Variants in KIF1B observed in about 807,000 individuals in gnomAD.
The protein encoded by KIF1B is kinesin-like protein KIF1B.
Under a neutral mutation model 241.9 loss-of-function variants are expected in KIF1B, and 76 were observed. That is an observed-to-expected ratio of 0.31 (90% confidence interval 0.26 to 0.38). KIF1B has a LOEUF of 0.38. Among genes scored for constraint, KIF1B ranks in the 10% least tolerant of loss-of-function variants. KIF1B has a pLI of 1.00. For missense variants in KIF1B, 1,622 were observed against 2,271.4 expected (o/e 0.71, Z 5.81); for synonymous variants, 750 against 796.7 (o/e 0.94, Z 0.99).
chr1:10,353,646 A>G (rs1652876221), intron 38 of KIF1B, among the ~76,000 whole-genome samples: 4 of 152,336 alleles, frequency 2.6e-5, no homozygotes, highest in Admixed American at 2.6e-4. Flanking sequence ...ATAAGACGAT[A>G]GGCAGAAATG....
In KIF1B at chr1:10,365,475, A is replaced by G. The variant is rs765629550; in HGVS notation, c.4579A>G (p.Ser1527Gly). The G allele has an allele frequency of 1.2e-6, 2 of 1,614,090 alleles. No homozygotes were observed. The highest frequency in any genetic ancestry group is 1.7e-6 in the Non-Finnish European group (2 of 1,180,020). ...TGGTGACAGCATCCCCAAATCCCTG[A>G]GCGACTCGTTATCCCCCAGCCTCAG... ...RLGDSIPKSL[S>G]DSLSPSLSSG... The change falls in exon 43 of 49, where the codon AGC (serine) becomes GGC (glycine). Residue 1527 changes from serine to glycine, a missense_variant. Coordinates refer to ENST00000676179, the MANE Select transcript of KIF1B (RefSeq NM_001365951.3). The surrounding 1 kb of genome is among the most constrained non-coding windows in gnomAD (Gnocchi z 4.0).
chr1:10,345,430 G>A (rs1652552529), intron 34 of KIF1B, among the ~76,000 whole-genome samples: 1 of 152,120 alleles, frequency 6.6e-6, no homozygotes, highest in African/African-American at 2.4e-5. Flanking sequence ...GGTGGAGGAT[G>A]GGTCTTTTCT....
chr1:10,257,537 G>A (rs369096121), intron 3 of KIF1B, among the ~76,000 whole-genome samples: 2 of 151,856 alleles, frequency 1.3e-5, no homozygotes, highest in Non-Finnish European at 2.9e-5. Context: ...CCAGTATTAC[G>A]AAAATGCAGA....
rs774113450 is a variant in KIF1B, at chr1:10,282,350, T to C, written c.1251T>C (p.His417=). ...KYLKDFQNNK[H]RYLLASENQR... ...TGAAAGATTTTCAGAACAATAAGCA[T>C]AGATACTTGCTAGCCTCTGAGAATC... Residue 417 remains histidine, a synonymous_variant, in exon 15 of 49, where the codon CAT becomes CAC. Coordinates refer to ENST00000676179, the MANE Select transcript of KIF1B (RefSeq NM_001365951.3). 1 of 1,614,186 alleles carries C rather than the reference T, an allele frequency of 6.2e-7. No individual in the cohort carries two copies. Among genetic ancestry groups the C allele is most frequent in the Non-Finnish European group, 8.5e-7 (1 of 1,180,016 alleles).
chr1:10,313,767 G>C (rs1171808369), intron 22 of KIF1B, among the ~76,000 whole-genome samples: 3 of 150,686 alleles, frequency 2.0e-5, no homozygotes, highest in Admixed American at 6.6e-5. Flanking sequence ...AGCCAGGATG[G>C]TCTTGATCTC....
intron 27 of KIF1B, among the ~76,000 whole-genome samples, chr1:10,329,594 A>G (rs780997530): frequency 1.3e-4 from 20 of 152,072 alleles, no homozygotes; most frequent in Non-Finnish European, 2.8e-4. Flanking sequence ...TTAGCCAGGC[A>G]TGGTGGTTTG....
rs1646684372 is a variant in KIF1B at position 10,210,939 on chromosome 1, T to G, written c.-80+61T>G. 1 of 151,620 alleles carries G rather than the reference T, an allele frequency of 6.6e-6. No homozygotes were observed. Among genetic ancestry groups the G allele is most frequent in the Non-Finnish European group, 1.5e-5 (1 of 67,864 alleles). The allele number at this position is 151,620 out of a possible 1,614,324, so 9.4% of individuals were successfully genotyped here. A position where few individuals can be genotyped will look rare whatever the true frequency, so the allele number is the denominator to read the frequency against. ...GTCGCGGGGTTGGGGAGGGGGCCGC[T>G]TCCGCGGGGAGGAGCGGCCGGGCCG... On this transcript the variant is annotated intron_variant, in intron 1 of 48. Transcript: ENST00000676179. This position sits in a 1 kb window ranked among gnomAD's most constrained non-coding sequence, Gnocchi z 4.1.
chr1:10,363,566 G>A (rs1638484171), intron 41 of KIF1B, among the ~76,000 whole-genome samples: 1 of 152,060 alleles, frequency 6.6e-6, no homozygotes, highest in African/African-American at 2.4e-5. Flanking sequence ...GGTGGCGCGT[G>A]CCTGTAATCC....
At chr1:10,235,402 A>G (rs1647037430) in intron 2 of KIF1B, among the ~76,000 whole-genome samples, 1 of 151,100 alleles carries the variant, frequency 6.6e-6, no homozygotes, top group Admixed American at 6.6e-5. Flanking sequence ...ACAGGTGCAC[A>G]GCACTATGCC....
intron 22 of KIF1B, chr1:10,308,051 T>G: frequency 9.4e-7 from 1 of 1,060,016 alleles, no homozygotes; most frequent in Non-Finnish European, 1.1e-6. Context: ...ACTGAATTTT[T>G]CACACCTATG....
chr1:10,211,696 T>TC (rs1243199815), intron 1 of KIF1B: 1 of 148,424 alleles, frequency 6.7e-6, no homozygotes, highest in Non-Finnish European at 1.5e-5. Flanking sequence ...AGCTTCCAGA[T>TC]CCCTTTTTTT....
chr1:10,341,500 A>G (rs1652389513), intron 32 of KIF1B, among the ~76,000 whole-genome samples: 1 of 152,262 alleles, frequency 6.6e-6, no homozygotes, highest in African/African-American at 2.4e-5. Flanking sequence ...GAGCCAGAAT[A>G]GTAAGTGTGG....
At chr1:10,280,230 T>G (rs1168493275) in intron 14 of KIF1B, among the ~76,000 whole-genome samples, 5 of 152,062 alleles carry the variant, frequency 3.3e-5, no homozygotes, top group Non-Finnish European at 7.4e-5. Flanking sequence ...TATTTCTTTT[T>G]TTTTCTTTTT....
At position 10,378,480 on chromosome 1, in the gene KIF1B, C is replaced by T. The variant is rs1638944763; in HGVS notation, c.*1893C>T. On this transcript the variant is annotated 3_prime_UTR_variant, in exon 49 of 49. Coordinates refer to ENST00000676179, the MANE Select transcript of KIF1B (RefSeq NM_001365951.3). ...TGCCAGTTGTCTTGGGATTGTTTTA[C>T]ACCATCCTTTACTTCCCTTGCTCAG... 2 of 716,878 alleles carry T rather than the reference C, an allele frequency of 2.8e-6. No homozygotes were observed. Among genetic ancestry groups the T allele is most frequent in the Non-Finnish European group, 5.2e-6 (2 of 384,832 alleles). The allele number at this position is 716,878 out of a possible 1,614,324, so 44.4% of individuals were successfully genotyped here.
intron 11 of KIF1B, 30 bp downstream of exon 11, chr1:10,275,533 T>A (rs754095528): frequency 1.7e-6 from 2 of 1,174,422 alleles, no homozygotes; most frequent in South Asian, 2.4e-5. Context: ...AAAGTAGTTA[T>A]CTTTTTAACT....
At chr1:10,215,335 C>T (rs1208368652) in intron 1 of KIF1B, among the ~76,000 whole-genome samples, 7 of 150,806 alleles carry the variant, frequency 4.6e-5, no homozygotes, top group Middle Eastern at 3.4e-3. Context: ...TGCCACCACG[C>T]CCAGCTAATT....
At position 10,299,806 on chromosome 1, in the gene KIF1B, A is replaced by T. The variant is rs376965725; in HGVS notation, c.2115+2560A>T. On this transcript the variant is annotated intron_variant, in intron 22 of 48. Coordinates refer to ENST00000676179, the MANE Select transcript of KIF1B (RefSeq NM_001365951.3). ...TGGGATCTTCTCTCTTCTTATTTGC[A>T]TAAGTTCCTTGCAGAGTCTCTTTAG... is the stretch of plus-strand genomic sequence containing the variant. Among the ~76,000 whole-genome samples the T allele has an allele frequency of 3.9e-5, 6 of 152,260 alleles. No homozygotes were observed. The South Asian group carries it at 1.2e-3, about 32-fold the overall frequency.
At position 10,370,237 on chromosome 1, in the gene KIF1B, G is replaced by A. The variant is rs141562376; in HGVS notation, c.4825-904G>A. Among the ~76,000 whole-genome samples, 339 of 150,564 alleles carry A rather than the reference G, an allele frequency of 2.3e-3. 1 individual carries two copies. Among genetic ancestry groups the A allele is most frequent in the African/African-American group, 7.9e-3 (322 of 40,890 alleles). Reference sequence around the variant, plus strand: ...TGCACTCCAGTCTGGGTGACAGAGCGAGACTTCGTCTCTCCAAAAATAAAT... The same window carrying A: ...TGCACTCCAGTCTGGGTGACAGAGCAAGACTTCGTCTCTCCAAAAATAAAT... On this transcript the variant is annotated intron_variant, in intron 44 of 48. Transcript: ENST00000676179.
chr1:10,280,696 T>C (rs1292201302), intron 14 of KIF1B, among the ~76,000 whole-genome samples: 2 of 152,214 alleles, frequency 1.3e-5, no homozygotes, highest in Non-Finnish European at 2.9e-5. Flanking sequence ...CTGCAACAGC[T>C]CTGTCTGAGA....
Sources: gnomAD v4.1 joint callset for allele counts (sites outside exome capture counted in the v4.1 genomes callset) on GRCh38, gnomAD v4.1.1 for gene constraint, Gnocchi (gnomAD v3.1) non-coding constraint, MANE v1.5 for transcripts, NCBI Gene and HGNC (gene_info 2026-07-23, HGNC 2026-07-21) for gene names.